The following NAV1 variants were observed in gnomAD, a reference collection of about 807,000 sequenced individuals.
NAV1 encodes neuron navigator 1.
A neutral mutation model predicts 175.2 loss-of-function variants in NAV1; 18 were observed. The ratio of observed to expected loss-of-function variants is 0.10; its 90% CI spans 0.07 to 0.15. The LOEUF (loss-of-function observed/expected upper bound fraction) is 0.15, where lower values mean the gene tolerates loss of function less well. Ranked by LOEUF, NAV1 falls within the 10% of genes least tolerant of loss-of-function variation. The pLI is 1.00. For missense variants in NAV1, 1,731 were observed against 2,436.6 expected (o/e 0.71, Z 6.10); for synonymous variants, 897 against 978.7 (o/e 0.92, Z 1.56).
In NAV1 at chr1:201,718,709, G is replaced by C; in HGVS notation, c.1180G>C (p.Asp394His). 6.2e-7 allele frequency: 1 copy of C among 1,614,088 alleles called. No homozygotes were observed. Among genetic ancestry groups the C allele is most frequent in the Non-Finnish European group, 8.5e-7 (1 of 1,179,984 alleles). Reference sequence around the variant, plus strand: ...CAAGTCCGGCTACATGAGCGACAGTGACCTCATGGGCAAGACCATGACGGA... The same window carrying C: ...CAAGTCCGGCTACATGAGCGACAGTCACCTCATGGGCAAGACCATGACGGA... The change falls in exon 3 of 30, where the codon GAC becomes CAC. Residue 394 changes from aspartate to histidine, a missense_variant. Physicochemically the swap from Asp to His is moderately conservative, Grantham distance 81 (BLOSUM62 -1). Coordinates refer to ENST00000367296, the Ensembl canonical transcript of NAV1. This position sits in a 1 kb window ranked among gnomAD's most constrained non-coding sequence, Gnocchi z 4.8.
chr1:201,758,506 G>A (rs1484535919), intron 3 of NAV1, among the ~76,000 whole-genome samples: 1 of 152,118 alleles, frequency 6.6e-6, no homozygotes, highest in African/African-American at 2.4e-5. Flanking sequence ...TGGTTTGCAG[G>A]CTTTTTGAGG....
intron 13 of NAV1, chr1:201,791,274 C>A (rs991876282): frequency 7.1e-5 from 11 of 155,298 alleles, no homozygotes; most frequent in African/African-American, 2.7e-4. Context: ...GGTCTGACTC[C>A]TTCATTCCCA....
chr1:201,656,906 A>C (rs1669427968), intron 1 of NAV1, among the ~76,000 whole-genome samples: 1 of 152,160 alleles, frequency 6.6e-6, no homozygotes, highest in African/African-American at 2.4e-5. Context: ...GTTACTCCTC[A>C]GACTCTGAGG....
intron 1 of NAV1, among the ~76,000 whole-genome samples, chr1:201,547,050 G>A (rs1393808070): frequency 6.7e-5 from 10 of 150,012 alleles, no homozygotes; most frequent in Middle Eastern, 3.5e-3. Context: ...GCAATGGCAC[G>A]ATCTCAGCTC....
chr1:201,686,039 C>G (rs1342952452), intron 1 of NAV1, among the ~76,000 whole-genome samples: 2 of 152,212 alleles, frequency 1.3e-5, no homozygotes, highest in East Asian at 3.8e-4. Flanking sequence ...ATGTTCTCAG[C>G]TCACTGCTTT....
intron 2 of NAV1, among the ~76,000 whole-genome samples, chr1:201,596,772 G>A (rs1245494682): frequency 6.6e-6 from 1 of 152,164 alleles, no homozygotes. Flanking sequence ...ATGGGAAGAT[G>A]TTGGACAAGC....
chr1:201,813,319 A>G lies in NAV1; in HGVS notation c.5340+61A>G. ...AGGCTGTCCTACCTAACAAAGTAGG[A>G]ATGTTTCTTTAATGTTAGGCATGGG... On this transcript the variant is annotated intron_variant, in intron 28 of 29. Coordinates refer to ENST00000367296, the Ensembl canonical transcript of NAV1. The surrounding 1 kb of genome is among the most constrained non-coding windows in gnomAD (Gnocchi z 4.2). The G allele has an allele frequency of 1.8e-6, 2 of 1,119,796 alleles. No individual in the cohort carries two copies. Among genetic ancestry groups the G allele is most frequent in the Non-Finnish European group, 1.3e-6 (1 of 752,346 alleles). 69.4% of individuals were successfully genotyped at this position (1,119,796 alleles called of 1,614,324 possible). A position where few individuals can be genotyped will look rare whatever the true frequency, so the allele number is the denominator to read the frequency against.
At chr1:201,668,915 G>C (rs1468398290) in intron 1 of NAV1, among the ~76,000 whole-genome samples, 1 of 152,148 alleles carries the variant, frequency 6.6e-6, no homozygotes, top group Non-Finnish European at 1.5e-5. Context: ...CAGAGCCATG[G>C]GCGGTGTGCT....
intron 1 of NAV1, among the ~76,000 whole-genome samples, chr1:201,585,846 G>A (rs1305875770): frequency 1.3e-5 from 2 of 152,174 alleles, no homozygotes; most frequent in Non-Finnish European, 2.9e-5. Flanking sequence ...AATTGGAACA[G>A]AATCTGTGTG....
At chr1:201,649,679 G>T (rs1168873665) in intron 1 of NAV1, among the ~76,000 whole-genome samples, 1 of 152,208 alleles carries the variant, frequency 6.6e-6, no homozygotes, top group African/African-American at 2.4e-5. Context: ...CCGAGGTGAG[G>T]CTGGACAATG....
chr1:201,652,280 C>T (rs1669233307), intron 1 of NAV1, among the ~76,000 whole-genome samples: 2 of 151,658 alleles, frequency 1.3e-5, no homozygotes, highest in East Asian at 1.9e-4. Context: ...GAGGCAGCTT[C>T]AAGTCAGAGC....
At chr1:201,710,929 GC>G (rs1438637356) in intron 1 of NAV1, among the ~76,000 whole-genome samples, 1 of 152,124 alleles carries the variant, frequency 6.6e-6, no homozygotes, top group Non-Finnish European at 1.5e-5. Flanking sequence ...CCTCATGTCT[GC>G]CAAGCCCATA....
At chr1:201,575,385 T>G (rs1277783328) in intron 1 of NAV1, among the ~76,000 whole-genome samples, 2 of 152,254 alleles carry the variant, frequency 1.3e-5, no homozygotes, top group African/African-American at 4.8e-5. Flanking sequence ...GATCTAGTCC[T>G]GTGCATGAGG....
chr1:201,799,004 T>C (rs1374464302), intron 15 of NAV1, among the ~76,000 whole-genome samples: 1 of 152,016 alleles, frequency 6.6e-6, no homozygotes, highest in Admixed American at 6.6e-5. Context: ...GTCCAGCCAC[T>C]GTTCATTTTC....
intron 1 of NAV1, among the ~76,000 whole-genome samples, chr1:201,683,114 C>T (rs1350366684): frequency 2.0e-5 from 3 of 152,172 alleles, no homozygotes; most frequent in Non-Finnish European, 2.9e-5. Flanking sequence ...TCCTTAGGCC[C>T]CTCTAGGCTG....
chr1:201,784,993 C>A (rs1404612898), intron 7 of NAV1, among the ~76,000 whole-genome samples: 1 of 152,190 alleles, frequency 6.6e-6, no homozygotes, highest in Admixed American at 6.5e-5. Flanking sequence ...TGGTCTCGAT[C>A]TCCCGACCTC....
chr1:201,767,935 T>C (rs1218103518), intron 3 of NAV1, among the ~76,000 whole-genome samples: 2 of 152,234 alleles, frequency 1.3e-5, no homozygotes, highest in Admixed American at 1.3e-4. Context: ...CAAAACATAT[T>C]CCCTTGTTCA....
intron 1 of NAV1, among the ~76,000 whole-genome samples, chr1:201,650,031 A>C (rs929247994): frequency 1.3e-5 from 2 of 152,224 alleles, no homozygotes; most frequent in South Asian, 2.1e-4. Flanking sequence ...ATCTGGGCGC[A>C]TGTCCGATAC....
intron 2 of NAV1, among the ~76,000 whole-genome samples, chr1:201,615,503 TCCA>T (rs1445801793): frequency 6.6e-6 from 1 of 152,160 alleles, no homozygotes; most frequent in Non-Finnish European, 1.5e-5. Context: ...GACCTCGTGA[TCCA>T]CCCACCTTGA....
Sources: allele counts gnomAD v4.1 joint callset (sites outside exome capture counted in the v4.1 genomes callset), GRCh38; gene constraint gnomAD v4.1.1; non-coding constraint Gnocchi (gnomAD v3.1); transcripts MANE v1.5; gene names NCBI Gene and HGNC (gene_info 2026-07-23, HGNC 2026-07-21).